SCUBE1: variants seen among roughly 807,000 people sequenced by gnomAD.
The protein encoded by SCUBE1 is signal peptide, CUB domain and EGF like domain containing 1, also known as signal peptide, CUB and EGF-like domain-containing protein 1.
In SCUBE1, 59 loss-of-function variants were observed where a neutral mutation model predicts 124.4. The observed-to-expected ratio is 0.47, with a 90% CI of 0.38 to 0.59. The LOEUF (loss-of-function observed/expected upper bound fraction) is 0.59, where lower values mean the gene tolerates loss of function less well. Ranked by LOEUF, SCUBE1 falls within the 20% of genes least tolerant of loss-of-function variation. The pLI is 0.00. For missense variants in SCUBE1, 1,150 were observed against 1,371.2 expected, an observed-to-expected ratio of 0.84 and a Z score of 2.55; for synonymous variants, 545 against 550.9, an observed-to-expected ratio of 0.99 and a Z score of 0.15.
intron 6 of SCUBE1, among the ~76,000 whole-genome samples, chr22:43,250,711 A>G (rs1298133064): frequency 6.6e-6 from 1 of 152,066 alleles, no homozygotes; most frequent in African/African-American, 2.4e-5. Context: ...GCAGAGTGCA[A>G]GGCCCAGAGG....
chr22:43,244,247 G>A lies in SCUBE1; in HGVS notation c.728-5293C>T, dbSNP rs150114745. On this transcript the variant is annotated intron_variant, in intron 6 of 21. Transcript: ENST00000360835. ...TTGGCCTTGAATAACCAACTCCTCA[G>A]GACACAGCAGGCCCCACCTGCCTCC... Among the ~76,000 whole-genome samples, 342 of 152,300 alleles carry A rather than the reference G, an allele frequency of 2.2e-3. 1 individual carries two copies. Among genetic ancestry groups the A allele is most frequent in the Non-Finnish European group, 2.7e-3 (186 of 68,024 alleles).
intron 1 of SCUBE1, among the ~76,000 whole-genome samples, chr22:43,339,650 CACTCCA>C (rs1927210243): frequency 1.2e-5 from 1 of 85,008 alleles, no homozygotes; most frequent in Admixed American, 1.2e-4. Context: ...CCACAAGCAT[CACTCCA>C]GCCCTCCCCC....
At chr22:43,235,080 G>T (rs1032855550) in intron 7 of SCUBE1, among the ~76,000 whole-genome samples, 3 of 152,194 alleles carry the variant, frequency 2.0e-5, no homozygotes, top group African/African-American at 7.2e-5. Flanking sequence ...CACAGACTTG[G>T]GGGTGGCTGT....
At chr22:43,253,769 C>T (rs1368329712) in intron 6 of SCUBE1, among the ~76,000 whole-genome samples, 1 of 152,358 alleles carries the variant, frequency 6.6e-6, no homozygotes, top group South Asian at 2.1e-4. Context: ...GGCCCTCTTC[C>T]ACCACCCATC....
chr22:43,270,419 G>A (rs1212948541), intron 4 of SCUBE1: 2 of 152,272 alleles, frequency 1.3e-5, no homozygotes, highest in South Asian at 2.1e-4. Context: ...CTGAGGTAAG[G>A]TGAGGGGGCT....
intron 13 of SCUBE1, 33 bp from the exon 14 acceptor site, chr22:43,220,620 G>A (rs368726066): frequency 3.4e-5 from 55 of 1,607,166 alleles, no homozygotes; most frequent in African/African-American, 1.9e-4. Flanking sequence ...TGGCAAAGGC[G>A]GCATGGGGCA....
chr22:43,329,253 C>T (rs1325595598), intron 2 of SCUBE1, among the ~76,000 whole-genome samples: 3 of 152,246 alleles, frequency 2.0e-5, no homozygotes, highest in Non-Finnish European at 2.9e-5. Flanking sequence ...CAGGTCTGCC[C>T]GCAGGGCTGG....
At chr22:43,322,542 A>T (rs1308281085) in intron 2 of SCUBE1, among the ~76,000 whole-genome samples, 2 of 152,152 alleles carry the variant, frequency 1.3e-5, no homozygotes, top group Non-Finnish European at 2.9e-5. Context: ...CTACACCCTT[A>T]ATATCGTTAC....
intron 3 of SCUBE1, among the ~76,000 whole-genome samples, chr22:43,295,798 T>G (rs937900399): frequency 3.3e-5 from 5 of 152,228 alleles, no homozygotes; most frequent in African/African-American, 1.2e-4. Context: ...GCACCTACTC[T>G]GTGCCACACT....
At chr22:43,287,711 A>G (rs1248800772) in intron 4 of SCUBE1, among the ~76,000 whole-genome samples, 3 of 152,218 alleles carry the variant, frequency 2.0e-5, no homozygotes, top group African/African-American at 7.2e-5. Flanking sequence ...GGGGGAATCT[A>G]ATTTGCCAAA....
intron 10 of SCUBE1, among the ~76,000 whole-genome samples, chr22:43,226,104 GTGTC>G (rs1158530612): frequency 1.3e-5 from 2 of 152,242 alleles, no homozygotes; most frequent in East Asian, 3.8e-4. Context: ...TATTTACTCT[GTGTC>G]TGTGATTGTC....
intron 3 of SCUBE1, among the ~76,000 whole-genome samples, chr22:43,300,502 C>G (rs1461941063): frequency 1.3e-5 from 2 of 152,048 alleles, no homozygotes; most frequent in African/African-American, 4.8e-5. Flanking sequence ...GAGACAGAAA[C>G]AGTCACAAAG....
In SCUBE1 at chr22:43,221,227, G is replaced by T; in HGVS notation, c.1495C>A (p.Leu499Ile). The T allele has an allele frequency of 6.2e-7, 1 of 1,611,914 alleles. No individual in the cohort carries two copies. The part of the protein sequence containing the change: ...RFKIRDAKCH[L>I]RPHSQARAKE... ...GCTCGTGCCTGGCTGTGGGGCCGGA[G>T]GTGGCACTTGGCATCTCGGATCTTG... The change falls in exon 13 of 22, where the codon CTC becomes ATC. Residue 499 changes from leucine (L) to isoleucine (I), a missense_variant. Around this residue, in one of 3 missense-constraint regions of SCUBE1, gnomAD observed 757 missense variants for 840.9 expected, o/e 0.90. Transcript: ENST00000360835.
At position 43,258,377 on chromosome 22, in the gene SCUBE1, C is replaced by T; in HGVS notation, c.611-42G>A. On this transcript the variant is annotated intron_variant, in intron 5 of 21. Coordinates refer to ENST00000360835, the MANE Select transcript of SCUBE1 (RefSeq NM_173050.5). This position sits in a 1 kb window ranked among gnomAD's most constrained non-coding sequence, Gnocchi z 5.0. Reference sequence around the variant, plus strand: ...TGTACACACGGGTGTATAAACAGAACAACAAAAACGGTTAGTTTGCCGGTG... The same window carrying T: ...TGTACACACGGGTGTATAAACAGAATAACAAAAACGGTTAGTTTGCCGGTG... The T allele has an allele frequency of 6.9e-7, 1 of 1,447,978 alleles. No individual in the cohort carries two copies. The highest frequency in any genetic ancestry group is 1.1e-5 in the South Asian group (1 of 87,894). 89.7% of individuals were successfully genotyped at this position (1,447,978 alleles called of 1,614,324 possible). A position where few individuals can be genotyped will look rare whatever the true frequency, so the allele number is the denominator to read the frequency against.
intron 19 of SCUBE1, among the ~76,000 whole-genome samples, chr22:43,209,687 C>T (rs1170266881): frequency 3.3e-5 from 5 of 152,208 alleles, no homozygotes; most frequent in Non-Finnish European, 5.9e-5. Context: ...CCTGAGGTCT[C>T]GCCCTGAGCG....
At position 43,275,325 on chromosome 22, in the gene SCUBE1, G is replaced by A. The variant is rs116083966; in HGVS notation, c.485-12480C>T. Among the ~76,000 whole-genome samples the A allele has an allele frequency of 3.0e-3, 450 of 152,344 alleles. 6 individuals carry two copies. The highest frequency in any genetic ancestry group is 1.0e-2 in the African/African-American group (415 of 41,572). The stretch of plus-strand genomic sequence containing the variant: ...ACGCGCTGGGCGTCCCTCTCCTGGC[G>A]GTGGGCTGGGCACACTGCTCTGCAC... On this transcript the variant is annotated intron_variant, in intron 4 of 21. Coordinates refer to ENST00000360835, the MANE Select transcript of SCUBE1 (RefSeq NM_173050.5).
intron 4 of SCUBE1, among the ~76,000 whole-genome samples, chr22:43,280,160 C>G (rs899729656): frequency 2.0e-5 from 3 of 152,112 alleles, no homozygotes; most frequent in Non-Finnish European, 4.4e-5. Flanking sequence ...CGCTGTCTGC[C>G]TCTTCCAAAG....
intron 2 of SCUBE1, among the ~76,000 whole-genome samples, chr22:43,327,340 C>T (rs954193101): frequency 1.3e-5 from 2 of 152,088 alleles, no homozygotes; most frequent in East Asian, 1.9e-4. Context: ...ATCACATAGT[C>T]GATGGTTCTA....
intron 6 of SCUBE1, among the ~76,000 whole-genome samples, chr22:43,256,476 C>T (rs1923664406): frequency 6.6e-6 from 1 of 152,084 alleles, no homozygotes; most frequent in African/African-American, 2.4e-5. Context: ...GGCATCTCTT[C>T]CTGGACAGGA....
Sources: gnomAD v4.1 joint callset for allele counts (sites outside exome capture counted in the v4.1 genomes callset) on GRCh38, gnomAD v4.1.1 for gene constraint, gnomAD v4.1.1 regional missense constraint, Gnocchi (gnomAD v3.1) non-coding constraint, MANE v1.5 for transcripts, NCBI Gene and HGNC (gene_info 2026-07-23, HGNC 2026-07-21) for gene names.